Variants in OPCML observed in about 807,000 individuals in gnomAD.
The protein encoded by OPCML is opioid-binding protein/cell adhesion molecule.
In OPCML, 13 loss-of-function variants were observed where a neutral mutation model predicts 37.8. The observed-to-expected ratio is 0.34, with a 90% CI of 0.22 to 0.55. OPCML has a LOEUF of 0.55. Ranked by LOEUF, OPCML falls within the 20% of genes least tolerant of loss-of-function variation. The pLI is 0.91. For missense variants in OPCML, 341 were observed against 435.6 expected (o/e 0.78, Z 1.93); for synonymous variants, 176 against 168.8 (o/e 1.04, Z -0.33).
rs1189770836 is a variant in OPCML at position 132,698,653 on chromosome 11, C to T, written c.147-41334G>A. 2.0e-5 allele frequency among the ~76,000 whole-genome samples: 3 copies of T among 152,014 alleles called. No homozygotes were observed. In the East Asian group the frequency reaches 5.8e-4, roughly 29 times the overall value. Reference sequence around the variant, plus strand: ...TTAGTTTGATGCAATTCCATTTGTTCATTTTTGTTTTTATTGCCTATGCTT... The same window carrying T: ...TTAGTTTGATGCAATTCCATTTGTTTATTTTTGTTTTTATTGCCTATGCTT... On this transcript the variant is annotated intron_variant, in intron 2 of 7. Transcript: ENST00000524381.
intron 3 of OPCML, among the ~76,000 whole-genome samples, chr11:132,574,531 A>G (rs1283235768): frequency 6.6e-6 from 1 of 151,786 alleles, no homozygotes; most frequent in Non-Finnish European, 1.5e-5. Context: ...TTGTTGTTCA[A>G]GAATGTTTTG....
At chr11:132,599,283 C>T (rs1194041100) in intron 3 of OPCML, among the ~76,000 whole-genome samples, 1 of 150,054 alleles carries the variant, frequency 6.7e-6, no homozygotes, top group Non-Finnish European at 1.5e-5. Context: ...AAGTCTCTGT[C>T]TCAAAAATAA....
intron 3 of OPCML, among the ~76,000 whole-genome samples, chr11:132,580,953 G>C (rs2096460922): frequency 6.6e-6 from 1 of 152,136 alleles, no homozygotes; most frequent in South Asian, 2.1e-4. Flanking sequence ...TTGATTAAAT[G>C]ATCCTAGCAG....
Position 133,499,878 on chromosome 11 carries a change from T to A in OPCML, c.61+32386A>T, listed in dbSNP as rs372110620. ...CATACACATATATATATATATATTT[T>A]TTTTTTTTTTTGAAAGGGAGTCTCA... On this transcript the variant is annotated intron_variant, in intron 1 of 7. Coordinates refer to ENST00000524381, the MANE Select transcript of OPCML (RefSeq NM_001012393.5). Among the ~76,000 whole-genome samples the A allele has an allele frequency of 7.3e-3, 981 of 134,784 alleles. 13 individuals are homozygous for A. The highest frequency in any genetic ancestry group is 0.031 in the African/African-American group (944 of 30,796). 88.4% of individuals were successfully genotyped at this position (134,784 alleles called of 152,430 possible). A position where few individuals can be genotyped will look rare whatever the true frequency, so the allele number is the denominator to read the frequency against.
intron 2 of OPCML, among the ~76,000 whole-genome samples, chr11:132,843,821 T>C (rs890820850): frequency 6.6e-6 from 1 of 152,320 alleles, no homozygotes; most frequent in African/African-American, 2.4e-5. Context: ...ATTTGTGTGA[T>C]AGTTTCAGAT....
intron 1 of OPCML, among the ~76,000 whole-genome samples, chr11:133,241,539 T>C (rs1293933767): frequency 6.6e-6 from 1 of 152,238 alleles, no homozygotes; most frequent in African/African-American, 2.4e-5. Context: ...TTTACAAAGC[T>C]CTTCACTTGT....
At chr11:133,138,227 C>T (rs1949720201) in intron 1 of OPCML, among the ~76,000 whole-genome samples, 1 of 152,204 alleles carries the variant, frequency 6.6e-6, no homozygotes, top group South Asian at 2.1e-4. Flanking sequence ...CATGTCTTGA[C>T]GCAGTGTATG....
rs148558657 is a variant in OPCML at position 133,270,970 on chromosome 11, G to T, written c.61+261294C>A. The stretch of plus-strand genomic sequence containing the variant: ...CTACTGTGTCCTCGTTAAGGTCTGT[G>T]TATAGGATTCTGAATTGCTCCTTGA... On this transcript the variant is annotated intron_variant, in intron 1 of 7. Transcript: ENST00000524381. Among the ~76,000 whole-genome samples the T allele has an allele frequency of 2.7e-3, 417 of 152,284 alleles. 2 individuals are homozygous for T. The highest frequency in any genetic ancestry group is 9.3e-3 in the African/African-American group (385 of 41,558).
intron 1 of OPCML, among the ~76,000 whole-genome samples, chr11:133,237,784 G>C (rs945126618): frequency 5.3e-5 from 8 of 152,166 alleles, no homozygotes; most frequent in African/African-American, 1.9e-4. Context: ...AGGCATTAAG[G>C]CTGAGGAAAT....
intron 1 of OPCML, among the ~76,000 whole-genome samples, chr11:133,527,896 C>T (rs1948521301): frequency 5.3e-5 from 8 of 152,204 alleles, no homozygotes; most frequent in Admixed American, 2.6e-4. Flanking sequence ...GAAGTGCACT[C>T]AGCCCCAGGC....
chr11:133,460,567 T>C (rs1946834641), intron 1 of OPCML, among the ~76,000 whole-genome samples: 1 of 151,888 alleles, frequency 6.6e-6, no homozygotes. Flanking sequence ...TAAACGATTG[T>C]ACACTAAGAA....
chr11:133,500,563 C>T (rs1288475284), intron 1 of OPCML, among the ~76,000 whole-genome samples: 1 of 152,226 alleles, frequency 6.6e-6, no homozygotes, highest in African/African-American at 2.4e-5. Context: ...GCCTCGCTCC[C>T]TTCCCACCAC....
chr11:132,850,395 T>C (rs999995738), intron 2 of OPCML, among the ~76,000 whole-genome samples: 1 of 152,166 alleles, frequency 6.6e-6, no homozygotes, highest in African/African-American at 2.4e-5. Flanking sequence ...TTAGTGCTGG[T>C]AGATTTCTCA....
intron 3 of OPCML, among the ~76,000 whole-genome samples, chr11:132,558,298 C>T: frequency 9.2e-6 from 1 of 108,736 alleles, no homozygotes; most frequent in Non-Finnish European, 1.9e-5. Flanking sequence ...TTCCTCTTCT[C>T]CCCTCCTCCT....
intron 1 of OPCML, chr11:133,025,579 A>C: frequency 1.9e-6 from 1 of 530,278 alleles, no homozygotes. Flanking sequence ...TTCTTTTCTT[A>C]TTATTTTAAT....
intron 1 of OPCML, among the ~76,000 whole-genome samples, chr11:133,022,094 G>T (rs1207634547): frequency 1.3e-5 from 2 of 152,202 alleles, no homozygotes; most frequent in Non-Finnish European, 2.9e-5. Flanking sequence ...TCGCAGTAGG[G>T]CCTGAGGAAC....
At chr11:133,429,370 G>C (rs987354582) in intron 1 of OPCML, among the ~76,000 whole-genome samples, 3 of 152,248 alleles carry the variant, frequency 2.0e-5, no homozygotes, top group Admixed American at 2.0e-4. Context: ...GCTGGGGATT[G>C]GATCATATAG....
chr11:132,448,768 A>T, intron 4 of OPCML, among the ~76,000 whole-genome samples: 1 of 152,230 alleles, frequency 6.6e-6, no homozygotes, highest in East Asian at 1.9e-4. Flanking sequence ...CAAGGAGGAA[A>T]CCACTGAATT....
intron 3 of OPCML, among the ~76,000 whole-genome samples, chr11:132,615,132 T>G (rs562358543): frequency 1.3e-5 from 2 of 152,332 alleles, no homozygotes; most frequent in East Asian, 3.9e-4. Context: ...AAGATGTGCT[T>G]ACAACATGGG....
Sources: gnomAD v4.1 joint callset for allele counts (sites outside exome capture counted in the v4.1 genomes callset) on GRCh38, gnomAD v4.1.1 for gene constraint, MANE v1.5 for transcripts, NCBI Gene and HGNC (gene_info 2026-07-23, HGNC 2026-07-21) for gene names.